Variants in TYW1 observed in about 807,000 individuals in gnomAD.
The protein encoded by TYW1 is S-adenosyl-L-methionine-dependent tRNA 4-demethylwyosine synthase TYW1.
TYW1 carries 46 observed loss-of-function variants against 96.2 expected under a neutral mutation model. The ratio of observed to expected loss-of-function variants is 0.48; its 90% CI spans 0.38 to 0.61. TYW1 has a LOEUF of 0.61. TYW1 is among the 20% of genes least tolerant of loss of function. The pLI, the probability that TYW1 is intolerant of heterozygous loss-of-function variation, is 0.00. For synonymous variants in TYW1, 274 were observed against 323.0 expected, an observed-to-expected ratio of 0.85 and a Z score of 1.63; for missense variants, 684 against 909.6, an observed-to-expected ratio of 0.75 and a Z score of 3.19.
chr7:67,077,817 C>G (rs1425317257), intron 10 of TYW1, among the ~76,000 whole-genome samples: 1 of 152,126 alleles, frequency 6.6e-6, no homozygotes, highest in African/African-American at 2.4e-5. Context: ...AATCATTGCC[C>G]AGACCAGTGT....
At chr7:67,103,549 C>T (rs1327520578) in intron 12 of TYW1, among the ~76,000 whole-genome samples, 1 of 152,202 alleles carries the variant, frequency 6.6e-6, no homozygotes, top group Non-Finnish European at 1.5e-5. Context: ...CTTGAGGCCT[C>T]TCCGAATTAA....
chr7:67,110,189 C>T (rs1006909207), intron 12 of TYW1, among the ~76,000 whole-genome samples: 6 of 152,142 alleles, frequency 3.9e-5, no homozygotes, highest in Non-Finnish European at 7.3e-5. Flanking sequence ...AAGAAGCTCA[C>T]CAATAAATGG....
chr7:67,163,112 C>T (rs1799211485), intron 13 of TYW1, among the ~76,000 whole-genome samples: 1 of 152,160 alleles, frequency 6.6e-6, no homozygotes, highest in Admixed American at 6.5e-5. Context: ...TTTCCGCATT[C>T]TGCTTCTCAG....
chr7:67,112,167 A>G (rs1350767388), intron 12 of TYW1, among the ~76,000 whole-genome samples: 1 of 151,012 alleles, frequency 6.6e-6, no homozygotes. Flanking sequence ...AATGATTTCT[A>G]CAAGTTCACA....
intron 13 of TYW1, among the ~76,000 whole-genome samples, chr7:67,141,957 C>A (rs1448518186): frequency 6.6e-6 from 1 of 152,202 alleles, no homozygotes; most frequent in Non-Finnish European, 1.5e-5. Flanking sequence ...ATCGCTTGAA[C>A]CCGGGAGGTG....
intron 13 of TYW1, among the ~76,000 whole-genome samples, chr7:67,138,745 C>A (rs34762791): frequency 5.3e-5 from 8 of 151,964 alleles, no homozygotes; most frequent in South Asian, 4.1e-4. Flanking sequence ...CTTTCTGTGC[C>A]TGGCTAATAT....
chr7:67,226,089 T>C (rs893038078), intron 15 of TYW1, among the ~76,000 whole-genome samples: 5 of 152,228 alleles, frequency 3.3e-5, no homozygotes, highest in Non-Finnish European at 7.3e-5. Context: ...TGCAAAATTA[T>C]GACTGAGACA....
intron 9 of TYW1, among the ~76,000 whole-genome samples, chr7:67,063,612 T>C (rs949824320): frequency 1.3e-5 from 2 of 150,220 alleles, no homozygotes; most frequent in Admixed American, 1.3e-4. Flanking sequence ...TATTCTGTAT[T>C]TTTTTTTTTG....
intron 14 of TYW1, among the ~76,000 whole-genome samples, chr7:67,190,806 T>C (rs1800182222): frequency 2.6e-5 from 4 of 152,226 alleles, no homozygotes; most frequent in Admixed American, 2.6e-4. Flanking sequence ...TCATTATTTA[T>C]TTTCTCATCA....
At chr7:67,236,877 A>G (rs1419431038) in intron 15 of TYW1, among the ~76,000 whole-genome samples, 1 of 151,592 alleles carries the variant, frequency 6.6e-6, no homozygotes, top group African/African-American at 2.4e-5. Context: ...CATTTAGTTC[A>G]TTGGAGTTTT....
Position 67,238,539 on chromosome 7 carries a change from A to G in TYW1, c.*10A>G, listed in dbSNP as rs1364326242. 8 of 1,607,416 alleles carry G rather than the reference A, an allele frequency of 5.0e-6. No individual in the cohort carries two copies. In the East Asian group the frequency reaches 6.7e-5, roughly 13 times the overall value. Reference sequence around the variant, plus strand: ...TATTTCTGGATGTTGAGATTATCTGATTTCAAGGTACTGAAGGACAAAAAC... The same window carrying G: ...TATTTCTGGATGTTGAGATTATCTGGTTTCAAGGTACTGAAGGACAAAAAC... On this transcript the variant is annotated 3_prime_UTR_variant, in exon 16 of 16. Transcript: ENST00000359626.
rs55931505 is a variant in TYW1 at position 67,079,171 on chromosome 7, GGTGT to G, written c.1275-4232_1275-4229del. Among the ~76,000 whole-genome samples, 102 of 148,626 alleles carry G rather than the reference GGTGT, an allele frequency of 6.9e-4. No homozygotes were observed. In the South Asian group the frequency reaches 9.0e-3, roughly 13 times the overall value. On this transcript the variant is annotated intron_variant, in intron 10 of 15. Coordinates refer to ENST00000359626, the MANE Select transcript of TYW1 (RefSeq NM_018264.4). ...TAGTTTGAAAAGTATTCGTGTGAGA[GGTGT>G]GTGTGTGTGTGTGTGTGTGTGTGTG... is the stretch of plus-strand genomic sequence containing the variant.
chr7:67,180,386 T>TTA (rs372906172), intron 13 of TYW1, among the ~76,000 whole-genome samples: 2,369 of 111,542 alleles, frequency 0.021, 374 homozygotes, highest in African/African-American at 0.043. Flanking sequence ...AGCTGTTGGT[T>TTA]TATATATATA....
At chr7:67,004,001 G>A (rs1178064860) in intron 3 of TYW1, among the ~76,000 whole-genome samples, 11 of 151,830 alleles carry the variant, frequency 7.2e-5, no homozygotes, top group Non-Finnish European at 1.0e-4. Context: ...CCAAGATGGC[G>A]CCACTGCACT....
chr7:67,014,649 G>GCA (rs746938626), intron 5 of TYW1, 88 bp downstream of exon 5: 256 of 1,448,504 alleles, frequency 1.8e-4, no homozygotes, highest in Admixed American at 2.3e-4. Flanking sequence ...GTGCACACAC[G>GCA]CACACACACA....
At chr7:67,150,772 A>G (rs1247324010) in intron 13 of TYW1, among the ~76,000 whole-genome samples, 1 of 151,542 alleles carries the variant, frequency 6.6e-6, no homozygotes, top group Non-Finnish European at 1.5e-5. Flanking sequence ...TAGTAAATAC[A>G]GGCCTTGTCT....
intron 14 of TYW1, among the ~76,000 whole-genome samples, chr7:67,186,737 C>T (rs1274959999): frequency 4.2e-4 from 63 of 149,354 alleles, no homozygotes; most frequent in South Asian, 2.5e-3. Context: ...AAGCAGTCCT[C>T]CTACGTTAGC....
intron 13 of TYW1, among the ~76,000 whole-genome samples, chr7:67,132,430 T>A (rs1184902574): frequency 6.6e-6 from 1 of 152,206 alleles, no homozygotes; most frequent in Non-Finnish European, 1.5e-5. Flanking sequence ...TATTTATACT[T>A]CACTCTTATG....
chr7:67,162,708 T>C (rs925446181), intron 13 of TYW1, among the ~76,000 whole-genome samples: 7 of 152,202 alleles, frequency 4.6e-5, no homozygotes, highest in African/African-American at 1.4e-4. Context: ...TTTGTCAATA[T>C]CCTCGGACAT....
Sources: allele counts gnomAD v4.1 joint callset (sites outside exome capture counted in the v4.1 genomes callset), GRCh38; gene constraint gnomAD v4.1.1; transcripts MANE v1.5; gene names NCBI Gene and HGNC (gene_info 2026-07-23, HGNC 2026-07-21).